ARSB: variants seen among roughly 807,000 people sequenced by gnomAD.
The protein encoded by ARSB is N-acetylgalactosamine-4-sulfatase.
A neutral mutation model predicts 50.9 loss-of-function variants in ARSB; 41 were observed. The ratio of observed to expected loss-of-function variants is 0.81; its 90% CI spans 0.63 to 1.04. The LOEUF (loss-of-function observed/expected upper bound fraction) is 1.04. Ranked by LOEUF, ARSB falls within the 50% of genes least tolerant of loss-of-function variation. The pLI, the probability that ARSB is intolerant of heterozygous loss-of-function variation, is 0.00. For synonymous variants in ARSB, 269 were observed against 284.8 expected, an observed-to-expected ratio of 0.94 and a Z score of 0.56; for missense variants, 672 against 693.3, an observed-to-expected ratio of 0.97 and a Z score of 0.35.
At position 78,780,189 on chromosome 5, in the gene ARSB, G is replaced by A. The variant is rs1455724072; in HGVS notation, c.*208C>T. ...ATAAACCCAGCCACCCCCACCTCTA[G>A]ACACATGCTCCAGCCAACAGCAGGA... On this transcript the variant is annotated 3_prime_UTR_variant, in exon 8 of 8. Transcript: ENST00000264914. 2 of 646,200 alleles carry A rather than the reference G, an allele frequency of 3.1e-6. No individual in the cohort carries two copies. Among genetic ancestry groups the A allele is most frequent in the African/African-American group, 3.7e-5 (2 of 54,786 alleles). 40.0% of individuals were successfully genotyped at this position (646,200 alleles called of 1,614,324 possible).
intron 5 of ARSB, among the ~76,000 whole-genome samples, chr5:78,861,292 T>A (rs528037712): frequency 7.5e-4 from 114 of 152,246 alleles, no homozygotes; most frequent in Non-Finnish European, 1.2e-3. Flanking sequence ...TACCAAAGCC[T>A]GGCAGAGACA....
intron 4 of ARSB, among the ~76,000 whole-genome samples, chr5:78,904,867 T>A (rs1050800398): frequency 1.3e-5 from 2 of 152,008 alleles, no homozygotes; most frequent in East Asian, 3.8e-4. Flanking sequence ...TTTTGTATTT[T>A]TTGGTAGAGA....
At chr5:78,977,618 C>T (rs927452550) in intron 1 of ARSB, among the ~76,000 whole-genome samples, 2 of 152,248 alleles carry the variant, frequency 1.3e-5, no homozygotes, top group Admixed American at 6.5e-5. Flanking sequence ...TAATGGTGAT[C>T]GACTGAAAGC....
intron 1 of ARSB, among the ~76,000 whole-genome samples, chr5:78,974,889 C>A (rs1752599177): frequency 6.6e-6 from 1 of 152,158 alleles, no homozygotes; most frequent in Admixed American, 6.5e-5. Flanking sequence ...TTAGTGAGGC[C>A]ATCTTGCTTG....
intron 4 of ARSB, among the ~76,000 whole-genome samples, chr5:78,926,422 G>A (rs1750056317): frequency 6.6e-6 from 1 of 151,986 alleles, no homozygotes; most frequent in Non-Finnish European, 1.5e-5. Context: ...TGGACTATAA[G>A]AAATGAAACT....
intron 4 of ARSB, among the ~76,000 whole-genome samples, chr5:78,916,377 T>A (rs1344254780): frequency 6.6e-6 from 1 of 152,192 alleles, no homozygotes; most frequent in South Asian, 2.1e-4. Context: ...AAACTGTCTT[T>A]AGTTTAAAGA....
chr5:78,906,013 CCCACCACAACACCAA>C (rs1749049583), intron 4 of ARSB, among the ~76,000 whole-genome samples: 1 of 151,632 alleles, frequency 6.6e-6, no homozygotes, highest in Admixed American at 6.6e-5. Context: ...GTGCCTGCAC[CCCACCACAACACCAA>C]TGCAGATCTT....
At chr5:78,901,753 T>C (rs1457934540) in intron 4 of ARSB, among the ~76,000 whole-genome samples, 2 of 152,138 alleles carry the variant, frequency 1.3e-5, no homozygotes, top group African/African-American at 4.8e-5. Context: ...CAAAAATAGA[T>C]GGTCAATAGA....
intron 5 of ARSB, chr5:78,883,429 T>C (rs1434196196): frequency 1.3e-5 from 2 of 152,262 alleles, no homozygotes; most frequent in East Asian, 3.9e-4. Context: ...CAGGCAAGAA[T>C]AAGAGGGAAC....
At chr5:78,827,764 G>T (rs569728556) in intron 6 of ARSB, among the ~76,000 whole-genome samples, 1 of 152,252 alleles carries the variant, frequency 6.6e-6, no homozygotes, top group Admixed American at 6.5e-5. Flanking sequence ...GAGAGAAATG[G>T]CTAGACTTTG....
chr5:78,972,164 G>A (rs7724106), intron 1 of ARSB, among the ~76,000 whole-genome samples: 2,204 of 152,216 alleles, frequency 0.014, 56 homozygotes, highest in African/African-American at 0.05. Context: ...AGAGGAGAGT[G>A]CATGGCCTCA....
intron 6 of ARSB, among the ~76,000 whole-genome samples, chr5:78,794,365 C>A (rs1044669814): frequency 2.0e-5 from 3 of 151,876 alleles, no homozygotes; most frequent in African/African-American, 4.8e-5. Context: ...TCTTCAAGTG[C>A]ACAAACATGA....
At chr5:78,982,909 C>CA (rs1482284609) in intron 1 of ARSB, among the ~76,000 whole-genome samples, 1 of 152,196 alleles carries the variant, frequency 6.6e-6, no homozygotes, top group Non-Finnish European at 1.5e-5. Flanking sequence ...CTAAACCTTT[C>CA]AGAGTGCCCA....
At chr5:78,945,000 G>A (rs921522116) in intron 4 of ARSB, among the ~76,000 whole-genome samples, 12 of 152,210 alleles carry the variant, frequency 7.9e-5, no homozygotes, top group Admixed American at 3.3e-4. Flanking sequence ...CCCCATCCTC[G>A]CTGCCACCTT....
chr5:78,887,552 A>G (rs963530078), intron 4 of ARSB, among the ~76,000 whole-genome samples: 7 of 152,228 alleles, frequency 4.6e-5, no homozygotes, highest in African/African-American at 1.4e-4. Context: ...ATGAAGTGAC[A>G]TTGCTTATGA....
chr5:78,955,421 T>G lies in ARSB; in HGVS notation c.772A>C (p.Ile258Leu). The G allele has an allele frequency of 6.2e-7, 1 of 1,614,170 alleles. No individual in the cohort carries two copies. Among genetic ancestry groups the G allele is most frequent in the Non-Finnish European group, 8.5e-7 (1 of 1,180,024 alleles). ...TAGTGATGCCTGTTCTTGTCTTGGA[T>G]AAAGTCATATGGCTTCAAGTATTCC... ...PEEYLKPYDF[I>L]QDKNRHHYAG... The change falls in exon 4 of 8, where the codon ATC becomes CTC. Residue 258 changes from isoleucine to leucine, a missense_variant. Coordinates refer to ENST00000264914, the MANE Select transcript of ARSB (RefSeq NM_000046.5).
chr5:78,800,176 G>A (rs943068974), intron 6 of ARSB, among the ~76,000 whole-genome samples: 1 of 151,978 alleles, frequency 6.6e-6, no homozygotes, highest in Admixed American at 6.6e-5. Context: ...AAATTAGCTG[G>A]GCGTGGTGGT....
At chr5:78,952,479 G>C (rs1019401466) in intron 4 of ARSB, among the ~76,000 whole-genome samples, 2 of 152,138 alleles carry the variant, frequency 1.3e-5, no homozygotes, top group African/African-American at 4.8e-5. Context: ...TTGGACTACA[G>C]GCACATGCCA....
intron 5 of ARSB, among the ~76,000 whole-genome samples, chr5:78,866,570 C>G (rs542069209): frequency 1.3e-5 from 2 of 152,306 alleles, no homozygotes; most frequent in South Asian, 2.1e-4. Context: ...CCTGACAGAT[C>G]AAAGCACTGG....
Sources: gnomAD v4.1 joint callset for allele counts (sites outside exome capture counted in the v4.1 genomes callset) on GRCh38, gnomAD v4.1.1 for gene constraint, MANE v1.5 for transcripts, NCBI Gene and HGNC (gene_info 2026-07-23, HGNC 2026-07-21) for gene names.